NRXN3: variants seen among roughly 807,000 people sequenced by gnomAD.
The protein encoded by NRXN3 is neurexin III.
A neutral mutation model predicts 137.6 loss-of-function variants in NRXN3; 32 were observed. The observed-to-expected ratio is 0.23, with a 90% confidence interval of 0.18 to 0.31. NRXN3 has a LOEUF of 0.31. Among genes scored for constraint, NRXN3 ranks in the 10% least tolerant of loss-of-function variants. The probability of loss-of-function intolerance (pLI) is 1.00; values close to 1 mark genes in which losing one functional copy is unlikely to be tolerated. For missense variants in NRXN3, 1,574 were observed against 2,062.5 expected, an observed-to-expected ratio of 0.76 and a Z score of 4.59; for synonymous variants, 798 against 784.5, an observed-to-expected ratio of 1.02 and a Z score of -0.29.
chr14:79,544,056 A>G (rs1460180746), intron 16 of NRXN3, among the ~76,000 whole-genome samples: 1 of 152,220 alleles, frequency 6.6e-6, no homozygotes, highest in Non-Finnish European at 1.5e-5. Flanking sequence ...CATCCCCAAC[A>G]GTGAAAATAA....
intron 10 of NRXN3, among the ~76,000 whole-genome samples, chr14:78,942,521 A>C (rs1208224310): frequency 1.3e-5 from 2 of 152,234 alleles, no homozygotes; most frequent in Non-Finnish European, 2.9e-5. Context: ...TGCCAAATAT[A>C]TCATAATGGG....
intron 4 of NRXN3, among the ~76,000 whole-genome samples, chr14:78,381,535 A>T (rs150506091): frequency 6.6e-6 from 1 of 152,206 alleles, no homozygotes; most frequent in Non-Finnish European, 1.5e-5. Flanking sequence ...AAAACTAAAC[A>T]TGCAATAACT....
At chr14:79,682,112 A>G (rs7158064) in intron 17 of NRXN3, among the ~76,000 whole-genome samples, 58,248 of 151,998 alleles carry the variant, frequency 0.38, 13,461 homozygotes, top group African/African-American at 0.65. Flanking sequence ...TGGCAGTTAC[A>G]ATCTATCAGT....
chr14:78,550,020 A>G (rs1057237304), intron 4 of NRXN3, among the ~76,000 whole-genome samples: 3 of 143,626 alleles, frequency 2.1e-5, no homozygotes, highest in Non-Finnish European at 4.5e-5. Flanking sequence ...GACAAATCTG[A>G]TTCTGCAAAC....
intron 15 of NRXN3, among the ~76,000 whole-genome samples, chr14:79,100,221 G>A (rs1462749084): frequency 6.6e-6 from 1 of 152,208 alleles, no homozygotes; most frequent in African/African-American, 2.4e-5. Flanking sequence ...AGCGACTGCA[G>A]TGACAGTCTG....
chr14:79,117,931 GA>G (rs962448920), intron 15 of NRXN3, among the ~76,000 whole-genome samples: 3 of 152,246 alleles, frequency 2.0e-5, no homozygotes, highest in Non-Finnish European at 4.4e-5. Flanking sequence ...GGGGTCAAGA[GA>G]TTAGGCTTAG....
intron 15 of NRXN3, chr14:79,280,202 C>A: frequency 6.4e-7 from 1 of 1,560,538 alleles, no homozygotes; most frequent in Non-Finnish European, 8.6e-7. Context: ...CTTCCTCCTG[C>A]TATGATGGGC....
intron 16 of NRXN3, among the ~76,000 whole-genome samples, chr14:79,480,572 G>T (rs912722333): frequency 2.6e-5 from 4 of 152,118 alleles, no homozygotes; most frequent in African/African-American, 9.7e-5. Context: ...GGGAAGAATA[G>T]AATTTCCAAA....
chr14:78,965,458 A>T (rs1229203658), intron 11 of NRXN3, among the ~76,000 whole-genome samples: 1 of 152,156 alleles, frequency 6.6e-6, no homozygotes, highest in South Asian at 2.1e-4. Flanking sequence ...ATTAGGGTCA[A>T]CTTTATCCAG....
intron 4 of NRXN3, among the ~76,000 whole-genome samples, chr14:78,444,483 A>G (rs373437034): frequency 3.3e-5 from 5 of 152,326 alleles, no homozygotes; most frequent in African/African-American, 1.2e-4. Context: ...AACAGAATCT[A>G]CAGCCCCTTG....
intron 15 of NRXN3, among the ~76,000 whole-genome samples, chr14:79,083,137 T>TAG (rs1188307406): frequency 6.6e-6 from 1 of 152,240 alleles, no homozygotes; most frequent in Non-Finnish European, 1.5e-5. Context: ...TGTGAGATGT[T>TAG]GTACTAAGTC....
At chr14:79,534,460 CAAAT>C (rs2097194710) in intron 16 of NRXN3, among the ~76,000 whole-genome samples, 1 of 152,080 alleles carries the variant, frequency 6.6e-6, no homozygotes, top group Admixed American at 6.6e-5. Context: ...ATCTATAGAA[CAAAT>C]AAACGAATGT....
chr14:79,470,871 T>C (rs1485901966), intron 16 of NRXN3, among the ~76,000 whole-genome samples: 1 of 150,684 alleles, frequency 6.6e-6, no homozygotes, highest in African/African-American at 2.5e-5. Flanking sequence ...TGTGTGTGTG[T>C]GTGAGAGAGA....
intron 15 of NRXN3, among the ~76,000 whole-genome samples, chr14:79,068,569 A>G (rs2099683632): frequency 6.6e-6 from 1 of 152,090 alleles, no homozygotes; most frequent in African/African-American, 2.4e-5. Flanking sequence ...AATTCTCCAC[A>G]TTTAAAGTCT....
intron 4 of NRXN3, among the ~76,000 whole-genome samples, chr14:78,497,023 A>G (rs796213367): frequency 7.9e-5 from 12 of 152,154 alleles, no homozygotes; most frequent in African/African-American, 2.9e-4. Flanking sequence ...CTATGATTCC[A>G]GTTTTCGATA....
At chr14:78,295,231 C>CA (rs1375296693) in intron 3 of NRXN3, among the ~76,000 whole-genome samples, 10 of 152,202 alleles carry the variant, frequency 6.6e-5, no homozygotes, top group Non-Finnish European at 1.2e-4. Context: ...TTTCTCCCCC[C>CA]AGTCCTGTTT....
chr14:79,272,872 A>T (rs8014036), intron 15 of NRXN3, among the ~76,000 whole-genome samples: 8,891 of 152,166 alleles, frequency 0.058, 693 homozygotes, highest in African/African-American at 0.18. Context: ...GCATTCCGTG[A>T]TTTGAAATTA....
chr14:79,230,528 G>A (rs563040120), intron 15 of NRXN3, among the ~76,000 whole-genome samples: 1 of 152,264 alleles, frequency 6.6e-6, no homozygotes, highest in South Asian at 2.1e-4. Flanking sequence ...AGTGCCACAG[G>A]TTGAAACAAA....
intron 1 of NRXN3, among the ~76,000 whole-genome samples, chr14:78,241,199 T>C (rs2067035431): frequency 6.6e-6 from 1 of 152,198 alleles, no homozygotes; most frequent in Non-Finnish European, 1.5e-5. Flanking sequence ...AGTACTTTTG[T>C]TTTTACACAT....
Sources: allele counts gnomAD v4.1 joint callset (sites outside exome capture counted in the v4.1 genomes callset), GRCh38; gene constraint gnomAD v4.1.1; transcripts MANE v1.5; gene names NCBI Gene and HGNC (gene_info 2026-07-23, HGNC 2026-07-21).